The following NR5A2 variants were observed in gnomAD, a reference collection of about 807,000 sequenced individuals.
The protein encoded by NR5A2 is nuclear receptor subfamily 5 group A member 2, also known as CYP7A promoter-binding factor.
A neutral mutation model predicts 62.7 loss-of-function variants in NR5A2; 26 were observed. The observed-to-expected ratio is 0.41, with a 90% CI of 0.30 to 0.58. The LOEUF (loss-of-function observed/expected upper bound fraction) is 0.58, where lower values mean the gene tolerates loss of function less well. Ranked by LOEUF, NR5A2 falls within the 20% of genes least tolerant of loss-of-function variation. The pLI is 0.22. For synonymous variants in NR5A2, 246 were observed against 241.7 expected, an observed-to-expected ratio of 1.02 and a Z score of -0.16; for missense variants, 541 against 669.1, an observed-to-expected ratio of 0.81 and a Z score of 2.11.
intron 7 of NR5A2, among the ~76,000 whole-genome samples, chr1:200,155,126 C>G (rs76087199): frequency 6.6e-6 from 1 of 152,180 alleles, no homozygotes; most frequent in Non-Finnish European, 1.5e-5. Context: ...GTACTAGGCT[C>G]TTATCCCACT....
At chr1:200,124,250 C>T (rs1190862820) in intron 7 of NR5A2, among the ~76,000 whole-genome samples, 1 of 152,192 alleles carries the variant, frequency 6.6e-6, no homozygotes, top group African/African-American at 2.4e-5. Flanking sequence ...GGAATAGAAA[C>T]ATCTACAGGA....
intron 6 of NR5A2, among the ~76,000 whole-genome samples, chr1:200,116,204 T>C (rs983313535): frequency 7.2e-5 from 11 of 152,172 alleles, no homozygotes; most frequent in Non-Finnish European, 1.2e-4. Context: ...AAAGCATGTA[T>C]GTCATGTCTA....
chr1:200,121,884 A>T (rs140351781), intron 7 of NR5A2, among the ~76,000 whole-genome samples: 1 of 152,326 alleles, frequency 6.6e-6, no homozygotes, highest in Non-Finnish European at 1.5e-5. Flanking sequence ...ACAAACTGCA[A>T]AGTAAAACAG....
chr1:200,160,853 A>C (rs1477949162), intron 7 of NR5A2, among the ~76,000 whole-genome samples: 2 of 151,968 alleles, frequency 1.3e-5, no homozygotes, highest in African/African-American at 4.8e-5. Context: ...CATAGTCTTG[A>C]CTTGCCACCT....
chr1:200,046,717 T>C (rs552705745), intron 4 of NR5A2, among the ~76,000 whole-genome samples: 1 of 152,192 alleles, frequency 6.6e-6, no homozygotes, highest in Non-Finnish European at 1.5e-5. Flanking sequence ...ATCACTATTA[T>C]TTCCCAAATA....
intron 7 of NR5A2, among the ~76,000 whole-genome samples, chr1:200,127,285 A>G (rs1253806190): frequency 1.3e-5 from 2 of 152,180 alleles, no homozygotes; most frequent in Non-Finnish European, 2.9e-5. Flanking sequence ...CACAGGTTTG[A>G]ACTGTGTGGG....
Position 200,147,781 on chromosome 1 carries a change from CCGGCACG to C in NR5A2, c.1379-26181_1379-26175del. The C allele has an allele frequency of 5.5e-6, 2 of 362,706 alleles. No homozygotes were observed. The highest frequency in any genetic ancestry group is 1.1e-5 in the Non-Finnish European group (2 of 188,860). The allele number at this position is 362,706 out of a possible 1,614,324, so 22.5% of individuals were successfully genotyped here. On this transcript the variant is annotated intron_variant, in intron 7 of 7. Coordinates refer to ENST00000367362, the MANE Select transcript of NR5A2 (RefSeq NM_205860.3). The surrounding 1 kb of genome is among the most constrained non-coding windows in gnomAD (Gnocchi z 4.9). ...GCCGGCGCGAATGCCGGCACGGATG[CCGGCACG>C]GTGGGCAGCCGCCGTGGCGTCCAGC... is the stretch of plus-strand genomic sequence containing the variant.
chr1:200,088,786 C>A (rs1664677127), intron 5 of NR5A2, among the ~76,000 whole-genome samples: 1 of 152,216 alleles, frequency 6.6e-6, no homozygotes, highest in Non-Finnish European at 1.5e-5. Flanking sequence ...GGGCAGCAAG[C>A]TCACTGCATT....
chr1:200,123,178 C>A (rs769907337), intron 7 of NR5A2, among the ~76,000 whole-genome samples: 5 of 152,146 alleles, frequency 3.3e-5, no homozygotes, highest in Non-Finnish European at 7.4e-5. Flanking sequence ...CTCTTTGGTC[C>A]TGGAGAAAAA....
intron 5 of NR5A2, among the ~76,000 whole-genome samples, chr1:200,100,627 G>A (rs751627910): frequency 2.0e-5 from 3 of 152,128 alleles, no homozygotes; most frequent in Non-Finnish European, 2.9e-5. Flanking sequence ...GGACCAAATC[G>A]TCTTGGCTCT....
At chr1:200,050,349 CTT>C (rs1324722536) in intron 5 of NR5A2, among the ~76,000 whole-genome samples, 1 of 152,136 alleles carries the variant, frequency 6.6e-6, no homozygotes, top group African/African-American at 2.4e-5. Context: ...AAAACACAGA[CTT>C]TTTACAATCA....
chr1:200,061,490 C>A (rs1191797154), intron 5 of NR5A2, among the ~76,000 whole-genome samples: 1 of 152,046 alleles, frequency 6.6e-6, no homozygotes, highest in East Asian at 1.9e-4. Context: ...ATTGGTCAGG[C>A]TGGTCTTGAA....
intron 5 of NR5A2, among the ~76,000 whole-genome samples, chr1:200,049,559 A>C (rs1426305497): frequency 6.6e-6 from 1 of 152,194 alleles, no homozygotes; most frequent in Non-Finnish European, 1.5e-5. Context: ...CTGAAACTTA[A>C]GTCTGAATGA....
At chr1:200,030,328 A>G (rs1661505386) in intron 1 of NR5A2, among the ~76,000 whole-genome samples, 2 of 152,160 alleles carry the variant, frequency 1.3e-5, no homozygotes, top group Non-Finnish European at 2.9e-5. Flanking sequence ...TAGGGGCTAC[A>G]TCTTGTATGC....
chr1:200,094,902 C>G (rs1159766395), intron 5 of NR5A2, among the ~76,000 whole-genome samples: 3 of 151,874 alleles, frequency 2.0e-5, no homozygotes, highest in Non-Finnish European at 4.4e-5. Flanking sequence ...ACACCAGGCA[C>G]CAAAATAACT....
In NR5A2 at chr1:200,091,487, T is replaced by TC. The variant is rs1162370924; in HGVS notation, c.1111-19715_1111-19714insC. Among the ~76,000 whole-genome samples, 57 of 148,538 alleles carry TC rather than the reference T, an allele frequency of 3.8e-4. 1 individual carries two copies. The highest frequency in any genetic ancestry group is 3.5e-3 in the Middle Eastern group (1 of 286). On this transcript the variant is annotated intron_variant, in intron 5 of 7. Transcript: ENST00000367362. ...CTCCTTACCCTTTGCTCTCTTTCTT[T>TC]TTTTTTTTTTTTTTTGAGACAGAGT...
chr1:200,072,042 T>A (rs529595253), intron 5 of NR5A2, among the ~76,000 whole-genome samples: 1 of 152,326 alleles, frequency 6.6e-6, no homozygotes, highest in Non-Finnish European at 1.5e-5. Flanking sequence ...AATTGATTCA[T>A]GTTTGGTATG....
chr1:200,125,488 G>A (rs1666662511), intron 7 of NR5A2, among the ~76,000 whole-genome samples: 1 of 152,198 alleles, frequency 6.6e-6, no homozygotes, highest in Admixed American at 6.5e-5. Flanking sequence ...CTCAGGGAAT[G>A]ACTCAACTGG....
At chr1:200,153,309 C>CT (rs1653221787) in intron 7 of NR5A2, among the ~76,000 whole-genome samples, 1 of 152,180 alleles carries the variant, frequency 6.6e-6, no homozygotes, top group South Asian at 2.1e-4. Flanking sequence ...TTTCCACATG[C>CT]TTTTTTCACA....
Sources: gnomAD v4.1 joint callset for allele counts (sites outside exome capture counted in the v4.1 genomes callset) on GRCh38, gnomAD v4.1.1 for gene constraint, Gnocchi (gnomAD v3.1) non-coding constraint, MANE v1.5 for transcripts, NCBI Gene and HGNC (gene_info 2026-07-23, HGNC 2026-07-21) for gene names.